CNBD1: variants seen among roughly 807,000 people sequenced by gnomAD.
The protein encoded by CNBD1 is cyclic nucleotide-binding domain-containing protein 1.
In CNBD1, 71 loss-of-function variants were observed where a neutral mutation model predicts 54.4. That is an observed-to-expected ratio of 1.30 (90% CI 1.08 to 1.59). The LOEUF (loss-of-function observed/expected upper bound fraction) is 1.59, where lower values mean the gene tolerates loss of function less well. CNBD1 is among the 40% of genes most tolerant of loss of function. The probability of loss-of-function intolerance (pLI) is 0.00; values close to 1 mark genes in which losing one functional copy is unlikely to be tolerated. For missense variants in CNBD1, 659 were observed against 518.0 expected, an observed-to-expected ratio of 1.27 and a Z score of -2.64; for synonymous variants, 182 against 170.7, an observed-to-expected ratio of 1.07 and a Z score of -0.51.
At chr8:87,054,997 C>T (rs910891126) in intron 4 of CNBD1, among the ~76,000 whole-genome samples, 1 of 152,114 alleles carries the variant, frequency 6.6e-6, no homozygotes, top group African/African-American at 2.4e-5. Flanking sequence ...CGAGAAGCCT[C>T]AGAAATAAAA....
At chr8:87,308,011 T>C (rs1586000388) in intron 8 of CNBD1, among the ~76,000 whole-genome samples, 2 of 152,148 alleles carry the variant, frequency 1.3e-5, no homozygotes, top group South Asian at 2.1e-4. Context: ...TGCATTAGCT[T>C]CCTTCTCCAG....
At chr8:87,118,860 T>C (rs1054645362) in intron 4 of CNBD1, among the ~76,000 whole-genome samples, 6 of 152,220 alleles carry the variant, frequency 3.9e-5, no homozygotes, top group African/African-American at 1.4e-4. Flanking sequence ...CCTACATATT[T>C]TTCTTTATAC....
chr8:87,382,155 CT>C (rs1352748485), intron 10 of CNBD1, among the ~76,000 whole-genome samples: 1 of 151,482 alleles, frequency 6.6e-6, no homozygotes, highest in Non-Finnish European at 1.5e-5. Flanking sequence ...AAAATGTCAC[CT>C]TTTCCAAAAT....
chr8:86,940,429 G>A (rs968268397), intron 4 of CNBD1, among the ~76,000 whole-genome samples: 9 of 151,996 alleles, frequency 5.9e-5, no homozygotes, highest in South Asian at 2.1e-4. Flanking sequence ...GGCCTCCCTC[G>A]GCCTGGGATT....
At chr8:87,110,053 T>C (rs571180893) in intron 4 of CNBD1, among the ~76,000 whole-genome samples, 3 of 152,316 alleles carry the variant, frequency 2.0e-5, no homozygotes, top group Admixed American at 2.0e-4. Context: ...CATATTCTTA[T>C]CTTGGCTACT....
At chr8:87,416,840 C>A (rs1382296791) in intron 2 of CNBD1, among the ~76,000 whole-genome samples, 1 of 151,956 alleles carries the variant, frequency 6.6e-6, no homozygotes, top group Non-Finnish European at 1.5e-5. Flanking sequence ...AAGAAAACTA[C>A]AGATCAACAT....
chr8:87,128,256 C>A (rs940172150), intron 4 of CNBD1, among the ~76,000 whole-genome samples: 1 of 152,200 alleles, frequency 6.6e-6, no homozygotes, highest in African/African-American at 2.4e-5. Context: ...CTTAAGCCAT[C>A]CCGGATGGCA....
chr8:87,265,995 C>A (rs1442775166), intron 6 of CNBD1, among the ~76,000 whole-genome samples: 1 of 151,970 alleles, frequency 6.6e-6, no homozygotes. Context: ...AGTAGCTATA[C>A]AAAAGATTGA....
intron 4 of CNBD1, among the ~76,000 whole-genome samples, chr8:87,139,318 T>A (rs1812324981): frequency 6.6e-6 from 1 of 152,196 alleles, no homozygotes; most frequent in South Asian, 2.1e-4. Flanking sequence ...GAAGAAAGGA[T>A]AACACCTAAC....
chr8:87,195,537 C>G lies in CNBD1; in HGVS notation c.432-10456C>G, dbSNP rs1327035116. On this transcript the variant is annotated intron_variant, in intron 4 of 10. Transcript: ENST00000518476. The stretch of plus-strand genomic sequence containing the variant: ...GTCACCATGCCCAGCTGAATATTGA[C>G]TTTTTGATCCTCAGTTTAAATATTG... 3.4e-5 allele frequency among the ~76,000 whole-genome samples: 5 copies of G among 147,528 alleles called. No homozygotes were observed. In the Admixed American group the frequency reaches 3.4e-4, roughly 10 times the overall value.
chr8:87,404,957 AT>A (rs1402237063), intron 2 of CNBD1, among the ~76,000 whole-genome samples: 1 of 152,068 alleles, frequency 6.6e-6, no homozygotes, highest in Non-Finnish European at 1.5e-5. Flanking sequence ...ACTTTTGGCA[AT>A]TGCTTTGATT....
chr8:86,879,298 A>C (rs933361815), intron 1 of CNBD1, among the ~76,000 whole-genome samples: 15 of 152,226 alleles, frequency 9.9e-5, no homozygotes, highest in African/African-American at 3.1e-4. Flanking sequence ...TAAGGGGAGC[A>C]TCATAAATCT....
intron 4 of CNBD1, among the ~76,000 whole-genome samples, chr8:87,097,386 G>T (rs559726399): frequency 1.4e-4 from 22 of 152,246 alleles, no homozygotes; most frequent in African/African-American, 4.8e-4. Flanking sequence ...AAGTGGTTAA[G>T]GCCATGATTC....
At position 86,939,603 on chromosome 8, in the gene CNBD1, A is replaced by G. The variant is rs192445573; in HGVS notation, c.280A>G (p.Asn94Asp). ...LFKQEEQREL[N>D]EGKEESQHQQ... ...CTATATTTTCTTGTTCAGGGAACTCAATGAAGGCAAAGAGGAAAGTCAACA... is the reference window on the plus strand; with the variant it reads ...CTATATTTTCTTGTTCAGGGAACTCGATGAAGGCAAAGAGGAAAGTCAACA... Residue 94 changes from asparagine to aspartate, a missense_variant, in exon 4 of 11, where the codon AAT becomes GAT. Asn to Asp is a conservative substitution (Grantham distance 23). Transcript: ENST00000518476. The G allele has an allele frequency of 1.5e-3, 2,421 of 1,583,422 alleles. No individual in the cohort carries two copies. The highest frequency in any genetic ancestry group is 2.0e-3 in the Non-Finnish European group (2,286 of 1,168,762).
At chr8:86,960,373 G>C (rs577444158) in intron 4 of CNBD1, among the ~76,000 whole-genome samples, 1 of 152,190 alleles carries the variant, frequency 6.6e-6, no homozygotes, top group Non-Finnish European at 1.5e-5. Flanking sequence ...CACCCACAGA[G>C]CCTCACTCAC....
intron 4 of CNBD1, among the ~76,000 whole-genome samples, chr8:87,027,212 T>G (rs1057329530): frequency 6.6e-6 from 1 of 152,066 alleles, no homozygotes; most frequent in Admixed American, 6.5e-5. Context: ...GGTAATGCAA[T>G]GAAGACTGTG....
At chr8:87,422,340 G>T (rs1461469745) in intron 2 of CNBD1, among the ~76,000 whole-genome samples, 1 of 147,530 alleles carries the variant, frequency 6.8e-6, no homozygotes, top group South Asian at 2.1e-4. Context: ...TAGACATGAA[G>T]TCCTTGCCCG....
rs1554626453 is a variant in CNBD1, at chr8:86,870,189, C to CCTTTTTTTTTTTTTT, written c.88+3606_88+3607insCTTTTTTTTTTTTTT. Reference sequence around the variant, plus strand: ...AGAAATTTAGAAACAAGATAGTACTCTTTTTTTTTTTTTTTCTGAGACGGA... The same window carrying CCTTTTTTTTTTTTTT: ...AGAAATTTAGAAACAAGATAGTACTCCTTTTTTTTTTTTTTTTTTTTTTTTTTTTTCTGAGACGGA... On this transcript the variant is annotated intron_variant, in intron 1 of 10. Coordinates refer to ENST00000518476, the MANE Select transcript of CNBD1 (RefSeq NM_173538.3). 8.4e-3 allele frequency among the ~76,000 whole-genome samples: 844 copies of CCTTTTTTTTTTTTTT among 100,536 alleles called. 63 individuals carry two copies. Among genetic ancestry groups the CCTTTTTTTTTTTTTT allele is most frequent in the African/African-American group, 0.028 (702 of 24,878 alleles). 66.0% of individuals were successfully genotyped at this position (100,536 alleles called of 152,430 possible). A position where few individuals can be genotyped will look rare whatever the true frequency, so the allele number is the denominator to read the frequency against.
At chr8:87,377,131 T>C (rs1481832134) in intron 10 of CNBD1, among the ~76,000 whole-genome samples, 1 of 149,680 alleles carries the variant, frequency 6.7e-6, no homozygotes, top group Non-Finnish European at 1.5e-5. Context: ...AATTTTATTT[T>C]ATTTATTTTT....
Sources: allele counts gnomAD v4.1 joint callset (sites outside exome capture counted in the v4.1 genomes callset), GRCh38; gene constraint gnomAD v4.1.1; transcripts MANE v1.5; gene names NCBI Gene and HGNC (gene_info 2026-07-23, HGNC 2026-07-21).